SYNPR: variants seen among roughly 807,000 people sequenced by gnomAD.
SYNPR encodes synaptoporin.
SYNPR carries 23 observed loss-of-function variants against 32.9 expected under a neutral mutation model. The ratio of observed to expected loss-of-function variants is 0.70; its 90% CI spans 0.50 to 0.99. The LOEUF is 0.99. SYNPR is among the 50% of genes least tolerant of loss of function. The pLI is 0.00. For synonymous variants in SYNPR, 146 were observed against 135.9 expected, an observed-to-expected ratio of 1.07 and a Z score of -0.52; for missense variants, 318 against 349.3, an observed-to-expected ratio of 0.91 and a Z score of 0.71.
rs181558120 is a variant in SYNPR, at chr3:63,559,672, A to G, written c.408+2931A>G. 7.1e-4 allele frequency among the ~76,000 whole-genome samples: 73 copies of G among 103,222 alleles called. 1 individual carries two copies. The highest frequency in any genetic ancestry group is 2.2e-3 in the African/African-American group (65 of 29,142). The allele number at this position is 103,222 out of a possible 152,430, so 67.7% of individuals were successfully genotyped here. ...TAATATGTTAACTTAAAAAAAGAGT[A>G]ACAAAACAGAATTTGAAACTTTGGG... is the stretch of plus-strand genomic sequence containing the variant. On this transcript the variant is annotated intron_variant, in intron 4 of 5. Coordinates refer to ENST00000478300, the MANE Select transcript of SYNPR (RefSeq NM_001130003.2).
intron 2 of SYNPR, among the ~76,000 whole-genome samples, chr3:63,370,290 A>G (rs2087795422): frequency 2.0e-5 from 3 of 152,142 alleles, no homozygotes; most frequent in African/African-American, 7.2e-5. Context: ...GAACAATGAT[A>G]TTTTAAACTT....
At chr3:63,425,188 C>T (rs1303420676) in intron 2 of SYNPR, among the ~76,000 whole-genome samples, 3 of 152,158 alleles carry the variant, frequency 2.0e-5, no homozygotes, top group Non-Finnish European at 4.4e-5. Context: ...GGATTAAACT[C>T]TATCTATAGA....
intron 2 of SYNPR, among the ~76,000 whole-genome samples, chr3:63,263,634 G>T (rs1397139970): frequency 2.0e-5 from 3 of 152,174 alleles, no homozygotes; most frequent in Admixed American, 2.0e-4. Flanking sequence ...CACTTCCAAA[G>T]TTGGTGAGTT....
At chr3:63,483,653 T>G (rs948785721) in intron 3 of SYNPR, among the ~76,000 whole-genome samples, 21 of 152,064 alleles carry the variant, frequency 1.4e-4, no homozygotes, top group African/African-American at 4.8e-4. Flanking sequence ...TGGCTTCCAG[T>G]GAGATGAAAT....
intron 2 of SYNPR, among the ~76,000 whole-genome samples, chr3:63,444,703 C>T (rs569013116): frequency 8.6e-5 from 13 of 152,026 alleles, no homozygotes; most frequent in Non-Finnish European, 1.6e-4. Context: ...GTGCACTAAC[C>T]TTCATATCTA....
At chr3:63,325,497 CA>C (rs1259861485) in intron 2 of SYNPR, among the ~76,000 whole-genome samples, 1 of 152,078 alleles carries the variant, frequency 6.6e-6, no homozygotes, top group Non-Finnish European at 1.5e-5. Flanking sequence ...CCTTTCTACC[CA>C]GGAAAGATCC....
chr3:63,403,881 G>C (rs2088325077), intron 2 of SYNPR, among the ~76,000 whole-genome samples: 1 of 152,150 alleles, frequency 6.6e-6, no homozygotes, highest in Admixed American at 6.5e-5. Context: ...GAGGCTCTGG[G>C]AGCCATCCTT....
In SYNPR at chr3:63,609,150, C is replaced by T. The variant is rs754644439; in HGVS notation, c.434C>T (p.Ser145Leu). The change falls in exon 5 of 6, where the codon TCG becomes TTG. Residue 145 changes from serine (S) to leucine (L), a missense_variant. By Grantham distance (145) the Ser-to-Leu change is moderately radical (BLOSUM62 -2). Transcript: ENST00000478300. ...GACTTCATTGTCACTGTAGTCTTTTCGTTCTTGTGGTTGGTGGGTTCATCA... is the reference window on the plus strand; with the variant it reads ...GACTTCATTGTCACTGTAGTCTTTTTGTTCTTGTGGTTGGTGGGTTCATCA... The part of the protein sequence containing the change: ...LIDFIVTVVF[S>L]FLWLVGSSAW... The T allele has an allele frequency of 1.9e-6, 3 of 1,609,710 alleles. No homozygotes were observed. Among genetic ancestry groups the T allele is most frequent in the Non-Finnish European group, 2.5e-6 (3 of 1,177,936 alleles).
At chr3:63,386,501 GTGTT>G (rs920761302) in intron 2 of SYNPR, among the ~76,000 whole-genome samples, 1 of 152,174 alleles carries the variant, frequency 6.6e-6, no homozygotes, top group African/African-American at 2.4e-5. Context: ...AACCTGCTTT[GTGTT>G]TGTTTAATTG....
intron 3 of SYNPR, among the ~76,000 whole-genome samples, chr3:63,501,293 A>G (rs1201207177): frequency 6.6e-6 from 1 of 152,128 alleles, no homozygotes; most frequent in East Asian, 1.9e-4. Context: ...TGCCTGGGCA[A>G]CATGGTGAAA....
chr3:63,562,191 T>A (rs551193066), intron 4 of SYNPR, among the ~76,000 whole-genome samples: 2 of 152,348 alleles, frequency 1.3e-5, no homozygotes, highest in Non-Finnish European at 2.9e-5. Context: ...CCTAGGTTAC[T>A]GTGACAGGAT....
At chr3:63,419,707 T>G (rs1482739775) in intron 2 of SYNPR, among the ~76,000 whole-genome samples, 1 of 152,108 alleles carries the variant, frequency 6.6e-6, no homozygotes, top group Non-Finnish European at 1.5e-5. Flanking sequence ...ATGAAGTGGG[T>G]CAGGGAAGTT....
At chr3:63,505,109 C>T (rs1456731898) in intron 3 of SYNPR, among the ~76,000 whole-genome samples, 1 of 152,152 alleles carries the variant, frequency 6.6e-6, no homozygotes, top group African/African-American at 2.4e-5. Flanking sequence ...ATTTACTGAG[C>T]TCCCACACTG....
chr3:63,445,665 AAC>A (rs1437841836), intron 2 of SYNPR: 1 of 567,796 alleles, frequency 1.8e-6, no homozygotes, highest in East Asian at 2.9e-5. Context: ...TGAGGGCCAT[AAC>A]ATTACCTCTC....
intron 5 of SYNPR, among the ~76,000 whole-genome samples, chr3:63,612,379 CTTTCAAAGTTTCACTGA>C (rs1700212230): frequency 6.6e-6 from 1 of 152,200 alleles, no homozygotes; most frequent in African/African-American, 2.4e-5. Flanking sequence ...CTCTCAATTT[CTTTCAAAGTTTCACTGA>C]GCACAAATAG....
intron 3 of SYNPR, among the ~76,000 whole-genome samples, chr3:63,523,122 C>T (rs1242786423): frequency 6.6e-6 from 1 of 152,028 alleles, no homozygotes. Context: ...ATCATAGTAA[C>T]CTGGGACCCC....
intron 2 of SYNPR, among the ~76,000 whole-genome samples, chr3:63,299,385 T>C (rs1560183959): frequency 6.6e-6 from 1 of 152,180 alleles, no homozygotes; most frequent in Non-Finnish European, 1.5e-5. Flanking sequence ...ACACAATTTT[T>C]GTTTTTTTGT....
At chr3:63,504,551 G>A (rs138268874) in intron 3 of SYNPR, among the ~76,000 whole-genome samples, 362 of 151,966 alleles carry the variant, frequency 2.4e-3, no homozygotes, top group African/African-American at 8.4e-3. Flanking sequence ...TGTGTATTAC[G>A]TTCCAAGGCT....
intron 2 of SYNPR, among the ~76,000 whole-genome samples, chr3:63,447,344 C>G (rs1700296966): frequency 6.6e-6 from 1 of 152,192 alleles, no homozygotes. Context: ...GAGGATTGTA[C>G]TCCATCTTGC....
Sources: gnomAD v4.1 joint callset for allele counts (sites outside exome capture counted in the v4.1 genomes callset) on GRCh38, gnomAD v4.1.1 for gene constraint, MANE v1.5 for transcripts, NCBI Gene and HGNC (gene_info 2026-07-23, HGNC 2026-07-21) for gene names.